The following MRPL47 variants were observed in gnomAD, a reference collection of about 807,000 sequenced individuals.
MRPL47 encodes the protein large ribosomal subunit protein uL29m.
MRPL47 carries 31 observed loss-of-function variants against 34.0 expected under a neutral mutation model. That is an observed-to-expected ratio of 0.91 (90% CI 0.68 to 1.23). The LOEUF (loss-of-function observed/expected upper bound fraction) is 1.23, where lower values mean the gene tolerates loss of function less well. Ranked by LOEUF, MRPL47 falls within the 50% of genes most tolerant of loss-of-function variation. MRPL47 has a pLI of 0.00. For missense variants in MRPL47, 328 were observed against 285.8 expected (o/e 1.15, Z -1.07); for synonymous variants, 106 against 101.6 (o/e 1.04, Z -0.26).
chr3:179,590,957 G>A (rs1385983174), intron 6 of MRPL47, among the ~76,000 whole-genome samples: 2 of 152,214 alleles, frequency 1.3e-5, no homozygotes, highest in Non-Finnish European at 2.9e-5. Flanking sequence ...CAGATAAAAT[G>A]AGAGGTAGCT....
chr3:179,602,597 GC>G lies in MRPL47; in HGVS notation c.244+54del, dbSNP rs149425453. ...AATCCTAGAACGATGGTTGGGCGGGGCGGGGGGGGGGGTTCCATAAATATAT... is the reference window on the plus strand; with the variant it reads ...AATCCTAGAACGATGGTTGGGCGGGGGGGGGGGGGGGTTCCATAAATATAT... On this transcript the variant is annotated intron_variant, in intron 2 of 6. Coordinates refer to ENST00000476781, the MANE Select transcript of MRPL47 (RefSeq NM_020409.3). 5,796 of 693,112 alleles carry G rather than the reference GC, an allele frequency of 8.4e-3. 85 individuals carry two copies. Among genetic ancestry groups the G allele is most frequent in the African/African-American group, 0.051 (2,063 of 40,298 alleles). The allele number at this position is 693,112 out of a possible 1,614,324, so 42.9% of individuals were successfully genotyped here.
chr3:179,593,610 T>TA (rs1214838570), intron 5 of MRPL47, among the ~76,000 whole-genome samples, 155 bp downstream of exon 5: 1 of 152,320 alleles, frequency 6.6e-6, no homozygotes, highest in East Asian at 1.9e-4. Context: ...CCTCCTTCAT[T>TA]AAAGTCCAAA....
At chr3:179,590,939 A>G (rs747726815) in intron 6 of MRPL47, among the ~76,000 whole-genome samples, 1 of 152,244 alleles carries the variant, frequency 6.6e-6, no homozygotes, top group Non-Finnish European at 1.5e-5. Context: ...TGTAGACTGG[A>G]TGTACTACAG....
intron 4 of MRPL47, among the ~76,000 whole-genome samples, chr3:179,597,702 G>A (rs560086285): frequency 5.8e-4 from 88 of 152,238 alleles, no homozygotes; most frequent in African/African-American, 1.9e-3. Context: ...CAGCTACTTG[G>A]GAGGCTGAGG....
chr3:179,592,795 C>G, intron 5 of MRPL47, 56 bp from the exon 6 acceptor site: 1 of 1,133,556 alleles, frequency 8.8e-7, no homozygotes, highest in Non-Finnish European at 1.3e-6. Context: ...TACATTTTCA[C>G]TTTCCTAATT....
intron 6 of MRPL47, among the ~76,000 whole-genome samples, chr3:179,589,679 G>A (rs897332042): frequency 6.6e-6 from 1 of 151,754 alleles, no homozygotes; most frequent in African/African-American, 2.4e-5. Context: ...ATGAGGTTTT[G>A]GGGGGAAAAA....
At position 179,601,728 on chromosome 3, in the gene MRPL47, A is replaced by G; in HGVS notation, c.305+2T>C. Reference sequence around the variant, plus strand: ...AGATGTTAATGTACTTAGTATACTTACCAAAGTTTGTGTAAATCTTCATTA... The same window carrying G: ...AGATGTTAATGTACTTAGTATACTTGCCAAAGTTTGTGTAAATCTTCATTA... On this transcript the variant is annotated splice_donor_variant, in intron 3 of 6. Coordinates refer to ENST00000476781, the MANE Select transcript of MRPL47 (RefSeq NM_020409.3). LOFTEE classifies it high-confidence loss of function. The G allele has an allele frequency of 6.3e-7, 1 of 1,591,934 alleles. No homozygotes were observed. Among genetic ancestry groups the G allele is most frequent in the Non-Finnish European group, 8.6e-7 (1 of 1,160,234 alleles).
At chr3:179,594,767 A>T (rs962251734) in intron 4 of MRPL47, among the ~76,000 whole-genome samples, 6 of 152,070 alleles carry the variant, frequency 3.9e-5, no homozygotes, top group Non-Finnish European at 8.8e-5. Context: ...TACAGGCATG[A>T]GCAACCGCAC....
intron 4 of MRPL47, 145 bp downstream of exon 4, chr3:179,598,530 G>C (rs1386783001): frequency 3.4e-6 from 2 of 585,278 alleles, no homozygotes; most frequent in Non-Finnish European, 6.2e-6. Context: ...TTCCAAAGGA[G>C]CTATGATGGT....
chr3:179,599,495 C>T (rs1267650320), intron 3 of MRPL47, among the ~76,000 whole-genome samples: 1 of 152,198 alleles, frequency 6.6e-6, no homozygotes, highest in African/African-American at 2.4e-5. Flanking sequence ...ACTTACTTAA[C>T]GAAGAAGCTA....
chr3:179,598,601 A>T, intron 4 of MRPL47, 74 bp downstream of exon 4: 2 of 960,052 alleles, frequency 2.1e-6, no homozygotes, highest in Non-Finnish European at 3.4e-6. Context: ...TTTGACAAGA[A>T]ATACAGGAAC....
chr3:179,599,996 G>A (rs556424334), intron 3 of MRPL47, among the ~76,000 whole-genome samples: 6 of 151,834 alleles, frequency 4.0e-5, no homozygotes, highest in South Asian at 4.2e-4. Context: ...ATGGTGGTGC[G>A]TGCCTGTAAT....
At chr3:179,600,715 A>G (rs990521697) in intron 3 of MRPL47, among the ~76,000 whole-genome samples, 8 of 152,154 alleles carry the variant, frequency 5.3e-5, no homozygotes, top group Non-Finnish European at 1.2e-4. Flanking sequence ...GGAAGTAGAC[A>G]TAGTGAAAGA....
intron 6 of MRPL47, among the ~76,000 whole-genome samples, chr3:179,590,353 A>G (rs1718646473): frequency 6.6e-6 from 1 of 152,172 alleles, no homozygotes; most frequent in Admixed American, 6.5e-5. Flanking sequence ...AAAAAAAGAA[A>G]AAAAGTGATT....
At chr3:179,589,903 A>T (rs1576864070) in intron 6 of MRPL47, among the ~76,000 whole-genome samples, 2 of 152,328 alleles carry the variant, frequency 1.3e-5, no homozygotes, top group South Asian at 4.1e-4. Flanking sequence ...GAAAGAATAA[A>T]GGTTTGCTAT....
chr3:179,592,857 C>A (rs1414453267), intron 5 of MRPL47, 118 bp from the exon 6 acceptor site: 3 of 654,668 alleles, frequency 4.6e-6, no homozygotes, highest in Non-Finnish European at 8.0e-6. Flanking sequence ...AAAACATAAA[C>A]ATTTTTAGTG....
At chr3:179,597,927 C>T (rs1718826134) in intron 4 of MRPL47, among the ~76,000 whole-genome samples, 1 of 152,042 alleles carries the variant, frequency 6.6e-6, no homozygotes, top group South Asian at 2.1e-4. Flanking sequence ...TGATTTTTAC[C>T]ACAGTTATTT....
At chr3:179,589,065 T>A in intron 6 of MRPL47, 70 bp from the exon 7 acceptor site, 1 of 1,443,818 alleles carries the variant, frequency 6.9e-7, no homozygotes, top group East Asian at 2.3e-5. Flanking sequence ...TATCAAAATA[T>A]GCATAAATCA....
At chr3:179,602,855 A>C (rs755736149) in intron 1 of MRPL47, 58 bp from the exon 2 acceptor site, 51 of 1,272,784 alleles carry the variant, frequency 4.0e-5, no homozygotes, top group South Asian at 3.2e-4. Context: ...TTTTATAAGC[A>C]ATAAACATTA....
Sources: allele counts gnomAD v4.1 joint callset (sites outside exome capture counted in the v4.1 genomes callset), GRCh38; gene constraint gnomAD v4.1.1; transcripts MANE v1.5; gene names NCBI Gene and HGNC (gene_info 2026-07-23, HGNC 2026-07-21).